The following FNBP4 variants were observed in gnomAD, a reference collection of about 807,000 sequenced individuals.
FNBP4 encodes formin-binding protein 4.
In FNBP4, 34 loss-of-function variants were observed where a neutral mutation model predicts 119.3. That is an observed-to-expected ratio of 0.28 (90% CI 0.22 to 0.38). The LOEUF (loss-of-function observed/expected upper bound fraction) is 0.38. FNBP4 is among the 10% of genes least tolerant of loss of function. The probability of loss-of-function intolerance (pLI) is 1.00; values close to 1 mark genes in which losing one functional copy is unlikely to be tolerated. For missense variants in FNBP4, 1,112 were observed against 1,228.9 expected (o/e 0.90, Z 1.42); for synonymous variants, 462 against 430.6 (o/e 1.07, Z -0.90).
chr11:47,755,985 T>G (rs2097616954), intron 2 of FNBP4, among the ~76,000 whole-genome samples: 1 of 152,154 alleles, frequency 6.6e-6, no homozygotes, highest in African/African-American at 2.4e-5. Context: ...ACAAAGACTT[T>G]CAAAAACTAA....
rs550382648 is a variant in FNBP4, at chr11:47,722,389, A to G, written c.2805+587T>C. Among the ~76,000 whole-genome samples, 30 of 150,508 alleles carry G rather than the reference A, an allele frequency of 2.0e-4. 1 individual carries two copies. Among genetic ancestry groups the G allele is most frequent in the East Asian group, 6.0e-4 (3 of 4,994 alleles). On this transcript the variant is annotated intron_variant, in intron 15 of 16. Coordinates refer to ENST00000263773, the MANE Select transcript of FNBP4 (RefSeq NM_015308.5). ...TCAGCCTCTTTAATAGCTTATCCCT[A>G]TGCTTTTTAAGAGAAGCAGTTGTAT... is the stretch of plus-strand genomic sequence containing the variant.
intron 7 of FNBP4, 106 bp from the exon 8 acceptor site, chr11:47,744,269 C>CT: frequency 9.0e-7 from 1 of 1,105,142 alleles, no homozygotes. Flanking sequence ...TCTTTGAGAA[C>CT]AGAAAGCACT....
chr11:47,736,206 A>C (rs1294927734), intron 9 of FNBP4, among the ~76,000 whole-genome samples: 3 of 149,210 alleles, frequency 2.0e-5, no homozygotes, highest in Non-Finnish European at 4.4e-5. Context: ...GGGCCACGGC[A>C]CTCCAGCCTG....
chr11:47,719,614 GTA>G lies in FNBP4; in HGVS notation c.2963+313_2963+314del, dbSNP rs1554974727. ...TGTGTGTGTGTGTGTGTGTGTGTGTGTATAAAAGGGTCCACTGGATCTAGATA... is the reference window on the plus strand; with the variant it reads ...TGTGTGTGTGTGTGTGTGTGTGTGTGTAAAAGGGTCCACTGGATCTAGATA... On this transcript the variant is annotated intron_variant, in intron 16 of 16. Transcript: ENST00000263773. Among the ~76,000 whole-genome samples, 5 of 138,878 alleles carry G rather than the reference GTA, an allele frequency of 3.6e-5. No individual in the cohort carries two copies. In the East Asian group the frequency reaches 6.5e-4, roughly 18 times the overall value. 91.1% of individuals were successfully genotyped at this position (138,878 alleles called of 152,430 possible).
At chr11:47,763,095 T>C (rs1020479304) in intron 2 of FNBP4, among the ~76,000 whole-genome samples, 6 of 152,024 alleles carry the variant, frequency 3.9e-5, no homozygotes, top group Non-Finnish European at 7.4e-5. Flanking sequence ...ATCCCAGCAC[T>C]TTGGGAGGCC....
At chr11:47,733,707 T>C (rs558655767) in intron 10 of FNBP4, among the ~76,000 whole-genome samples, 2 of 152,178 alleles carry the variant, frequency 1.3e-5, no homozygotes, top group Non-Finnish European at 2.9e-5. Flanking sequence ...TGCCATTTTG[T>C]AAAGTATGCA....
chr11:47,729,489 C>G lies in FNBP4; in HGVS notation c.2008+1885G>C, dbSNP rs923055648. 13 of 985,206 alleles carry G rather than the reference C, an allele frequency of 1.3e-5. No individual in the cohort carries two copies. The African/African-American group carries it at 1.9e-4, about 15-fold the overall frequency. 61.0% of individuals were successfully genotyped at this position (985,206 alleles called of 1,614,324 possible). A position where few individuals can be genotyped will look rare whatever the true frequency, so the allele number is the denominator to read the frequency against. ...AACTTTGAAACTTCTTGGCTTCTCA[C>G]AGTGTAATTTTGCACCCCTTCCCCC... On this transcript the variant is annotated intron_variant, in intron 12 of 16. Transcript: ENST00000263773.
At position 47,753,105 on chromosome 11, in the gene FNBP4, T is replaced by TC. The variant is rs770281556; in HGVS notation, c.451-4dup. 13 of 1,599,938 alleles carry TC rather than the reference T, an allele frequency of 8.1e-6. No homozygotes were observed. In the South Asian group the frequency reaches 1.4e-4, roughly 18 times the overall value. Reference sequence around the variant, plus strand: ...GGAGCTGTTATGGCATCGATCTCCTTCAGTATGAAAAGAGTAACAAATGCA... The same window carrying TC: ...GGAGCTGTTATGGCATCGATCTCCTTCCAGTATGAAAAGAGTAACAAATGCA... On this transcript the variant is annotated splice_polypyrimidine_tract_variant and splice_region_variant and intron_variant, in intron 3 of 16. Coordinates refer to ENST00000263773, the MANE Select transcript of FNBP4 (RefSeq NM_015308.5).
chr11:47,730,249 AAG>A, intron 12 of FNBP4: 1 of 984,784 alleles, frequency 1.0e-6, no homozygotes, highest in Non-Finnish European at 1.2e-6. Flanking sequence ...CTGCTACCAA[AAG>A]AGAGGAAAAA....
chr11:47,765,245 T>A, intron 2 of FNBP4, 25 bp downstream of exon 2: 1 of 1,527,014 alleles, frequency 6.5e-7, no homozygotes, highest in South Asian at 1.2e-5. Flanking sequence ...GGAGAAAAAA[T>A]GTAAAAAACA....
chr11:47,721,145 C>A (rs369280819), intron 15 of FNBP4, among the ~76,000 whole-genome samples: 1 of 150,658 alleles, frequency 6.6e-6, no homozygotes, highest in Non-Finnish European at 1.5e-5. Context: ...CACGGTGAAA[C>A]CCCGTCTCTA....
intron 6 of FNBP4, among the ~76,000 whole-genome samples, chr11:47,748,163 C>CG (rs899857765): frequency 6.7e-6 from 1 of 150,334 alleles, no homozygotes. Flanking sequence ...CGCTTGAACC[C>CG]GGGGGGTGGA....
chr11:47,729,105 G>GC (rs886935326), intron 12 of FNBP4: 5 of 935,982 alleles, frequency 5.3e-6, no homozygotes, highest in Non-Finnish European at 6.4e-6. Context: ...ACCCGCCTCA[G>GC]CCCCCCAAAG....
rs2097557945 is a variant in FNBP4 at position 47,723,456 on chromosome 11, G to A, written c.2465-140C>T. ...TCTAAAAAGCATAGCCATATTTGCT[G>A]GTAGCAAAATATATTAATTTTGAAT... On this transcript the variant is annotated intron_variant, in intron 14 of 16. Coordinates refer to ENST00000263773, the MANE Select transcript of FNBP4 (RefSeq NM_015308.5). 3 of 1,318,138 alleles carry A rather than the reference G, an allele frequency of 2.3e-6. No homozygotes were observed. In the South Asian group the frequency reaches 4.9e-5, roughly 22 times the overall value. The allele number at this position is 1,318,138 out of a possible 1,614,324, so 81.7% of individuals were successfully genotyped here. A position where few individuals can be genotyped will look rare whatever the true frequency, so the allele number is the denominator to read the frequency against.
At chr11:47,723,885 T>C in intron 14 of FNBP4, 143 bp downstream of exon 14, 1 of 808,134 alleles carries the variant, frequency 1.2e-6, no homozygotes, top group Non-Finnish European at 1.8e-6. Flanking sequence ...AAAAGTTTTT[T>C]TTTTTTTTTT....
At chr11:47,758,455 G>C (rs1391361149) in intron 2 of FNBP4, among the ~76,000 whole-genome samples, 1 of 152,158 alleles carries the variant, frequency 6.6e-6, no homozygotes, top group Non-Finnish European at 1.5e-5. Context: ...CCCTGCCTGA[G>C]CCTCCCAAAG....
chr11:47,762,435 T>A (rs1054730622), intron 2 of FNBP4, among the ~76,000 whole-genome samples: 7 of 152,036 alleles, frequency 4.6e-5, no homozygotes, highest in South Asian at 2.1e-4. Context: ...CCTATTTTTT[T>A]AAATTATTTT....
At chr11:47,748,166 G>A (rs866860455) in intron 6 of FNBP4, among the ~76,000 whole-genome samples, 3 of 152,020 alleles carry the variant, frequency 2.0e-5, no homozygotes, top group Admixed American at 2.0e-4. Flanking sequence ...TTGAACCCGG[G>A]GGGTGGAGGT....
intron 6 of FNBP4, among the ~76,000 whole-genome samples, chr11:47,749,476 A>T (rs1047143383): frequency 1.3e-5 from 2 of 152,128 alleles, no homozygotes; most frequent in Non-Finnish European, 2.9e-5. Flanking sequence ...GAATTGCTTG[A>T]AACTGGGAGG....
Sources: gnomAD v4.1 joint callset for allele counts (sites outside exome capture counted in the v4.1 genomes callset) on GRCh38, gnomAD v4.1.1 for gene constraint, MANE v1.5 for transcripts, NCBI Gene and HGNC (gene_info 2026-07-23, HGNC 2026-07-21) for gene names.